EVA1C: variants seen among roughly 807,000 people sequenced by gnomAD.
EVA1C encodes the protein eva-1 homolog C, also known as protein eva-1 homolog C.
In EVA1C, 25 loss-of-function variants were observed where a neutral mutation model predicts 45.4. That is an observed-to-expected ratio of 0.55 (90% CI 0.40 to 0.77). The LOEUF (loss-of-function observed/expected upper bound fraction) is 0.77. EVA1C is among the 30% of genes least tolerant of loss of function. The pLI, the probability that EVA1C is intolerant of heterozygous loss-of-function variation, is 0.00. For synonymous variants in EVA1C, 190 were observed against 221.2 expected (o/e 0.86, Z 1.25); for missense variants, 479 against 554.8 (o/e 0.86, Z 1.37).
At chr21:32,478,840 T>C (rs1395222782) in intron 4 of EVA1C, among the ~76,000 whole-genome samples, 2 of 152,178 alleles carry the variant, frequency 1.3e-5, no homozygotes, top group Non-Finnish European at 2.9e-5. Context: ...ATTTCCTTAA[T>C]AAGAAGATGA....
chr21:32,466,542 C>T (rs1408856903), intron 3 of EVA1C, among the ~76,000 whole-genome samples: 1 of 151,166 alleles, frequency 6.6e-6, no homozygotes, highest in African/African-American at 2.4e-5. Context: ...ATAATGCCAA[C>T]TTTGTACGAC....
At chr21:32,467,380 G>A (rs944394345) in intron 3 of EVA1C, among the ~76,000 whole-genome samples, 3 of 152,190 alleles carry the variant, frequency 2.0e-5, no homozygotes, top group African/African-American at 7.2e-5. Flanking sequence ...GTGAGTGAGA[G>A]AAACTTCCTT....
intron 7 of EVA1C, 62 bp downstream of exon 7, chr21:32,504,077 A>T: frequency 8.4e-7 from 1 of 1,197,008 alleles, no homozygotes; most frequent in South Asian, 1.3e-5. Context: ...TTGTTAATAA[A>T]TGTGCTGTTC....
At chr21:32,417,786 T>C (rs73359984) in intron 1 of EVA1C, among the ~76,000 whole-genome samples, 67 of 152,290 alleles carry the variant, frequency 4.4e-4, no homozygotes, top group African/African-American at 1.4e-3. Context: ...GTCTCAGTCC[T>C]GGCAGCACAA....
At position 32,412,915 on chromosome 21, in the gene EVA1C, T is replaced by C. The variant is rs1208799602; in HGVS notation, c.62T>C (p.Leu21Pro). 9 of 1,522,898 alleles carry C rather than the reference T, an allele frequency of 5.9e-6. No individual in the cohort carries two copies. Among genetic ancestry groups the C allele is most frequent in the Non-Finnish European group, 7.9e-6 (9 of 1,137,620 alleles). 94.3% of individuals were successfully genotyped at this position (1,522,898 alleles called of 1,614,324 possible). Reference protein sequence around the residue: ...PTPQPVQHPGLRRQVEPPGQL... With the variant: ...PTPQPVQHPGPRRQVEPPGQL... ...CCCCAGCCCGTGCAGCATCCCGGCCTCCGCCGGCAGGTAGAGCCGCCGGGG... is the reference window on the plus strand; with the variant it reads ...CCCCAGCCCGTGCAGCATCCCGGCCCCCGCCGGCAGGTAGAGCCGCCGGGG... The change falls in exon 1 of 8, where the codon CTC becomes CCC. Residue 21 changes from leucine (L) to proline (P), a missense_variant. By Grantham distance (98) the Leu-to-Pro change is moderately conservative. Coordinates refer to ENST00000300255, the MANE Select transcript of EVA1C (RefSeq NM_058187.5).
intron 1 of EVA1C, among the ~76,000 whole-genome samples, chr21:32,450,542 GT>G (rs2035544212): frequency 6.6e-6 from 1 of 152,126 alleles, no homozygotes; most frequent in African/African-American, 2.4e-5. Context: ...GGACAAGAAG[GT>G]TTTCATGAGG....
intron 1 of EVA1C, among the ~76,000 whole-genome samples, chr21:32,447,169 G>A (rs1411164474): frequency 2.6e-5 from 4 of 152,196 alleles, no homozygotes; most frequent in African/African-American, 9.6e-5. Flanking sequence ...GGAGGCTGAG[G>A]TGGGTGGATC....
At chr21:32,423,792 G>A (rs1199824855) in intron 1 of EVA1C, among the ~76,000 whole-genome samples, 1 of 152,174 alleles carries the variant, frequency 6.6e-6, no homozygotes, top group Non-Finnish European at 1.5e-5. Context: ...TGAGAGCCAA[G>A]TTTTCCACAC....
intron 3 of EVA1C, among the ~76,000 whole-genome samples, chr21:32,462,344 T>G (rs2036028859): frequency 6.6e-6 from 1 of 152,006 alleles, no homozygotes; most frequent in Admixed American, 6.5e-5. Context: ...CAGTGAGCTA[T>G]GAGCTCACCA....
At chr21:32,460,193 T>A (rs1055802934) in intron 3 of EVA1C, among the ~76,000 whole-genome samples, 5 of 152,076 alleles carry the variant, frequency 3.3e-5, no homozygotes, top group African/African-American at 1.2e-4. Flanking sequence ...GTGGGTGGTG[T>A]CCACACCCCC....
chr21:32,501,983 CTTTTCTTTCTTTCTT>C (rs1271088247), intron 6 of EVA1C, among the ~76,000 whole-genome samples: 14 of 139,006 alleles, frequency 1.0e-4, no homozygotes, highest in Non-Finnish European at 6.2e-5. Context: ...CTCTCTCGCT[CTTTTCTTTCTTTCTT>C]TCTTTCTTTC....
intron 1 of EVA1C, among the ~76,000 whole-genome samples, chr21:32,419,356 A>G (rs145129845): frequency 3.0e-4 from 45 of 152,274 alleles, no homozygotes; most frequent in Non-Finnish European, 5.3e-4. Context: ...TGCTCTCCCC[A>G]GCTCCACAGC....
intron 4 of EVA1C, 139 bp from the exon 5 acceptor site, chr21:32,494,888 T>A: frequency 1.1e-6 from 1 of 916,816 alleles, no homozygotes; most frequent in Non-Finnish European, 1.6e-6. Flanking sequence ...GGTGCTTTAA[T>A]GAGACAGAAA....
intron 1 of EVA1C, among the ~76,000 whole-genome samples, chr21:32,424,656 GA>G (rs540343989): frequency 5.3e-5 from 8 of 152,202 alleles, no homozygotes; most frequent in Non-Finnish European, 1.2e-4. Flanking sequence ...GACTCAGAAT[GA>G]AAAGAGGTCT....
intron 4 of EVA1C, among the ~76,000 whole-genome samples, chr21:32,481,179 G>T (rs1405817703): frequency 6.6e-6 from 1 of 152,100 alleles, no homozygotes; most frequent in East Asian, 1.9e-4. Flanking sequence ...AGGAAAAAAC[G>T]ATACTACTTA....
At chr21:32,465,794 A>C (rs894749341) in intron 3 of EVA1C, among the ~76,000 whole-genome samples, 18 of 152,144 alleles carry the variant, frequency 1.2e-4, no homozygotes, top group African/African-American at 4.3e-4. Context: ...CACCACACCC[A>C]GCCGTGTTAG....
At chr21:32,445,376 A>G (rs1336522103) in intron 1 of EVA1C, among the ~76,000 whole-genome samples, 2 of 152,152 alleles carry the variant, frequency 1.3e-5, no homozygotes, top group African/African-American at 4.8e-5. Context: ...CAACAGAAAT[A>G]TTTTCAAGTA....
At chr21:32,435,238 G>A (rs2034896595) in intron 1 of EVA1C, among the ~76,000 whole-genome samples, 1 of 151,802 alleles carries the variant, frequency 6.6e-6, no homozygotes, top group Non-Finnish European at 1.5e-5. Context: ...TTGTGGGGGG[G>A]AAATGGGGTC....
chr21:32,419,615 T>C (rs1481562925), intron 1 of EVA1C, among the ~76,000 whole-genome samples: 1 of 152,148 alleles, frequency 6.6e-6, no homozygotes, highest in East Asian at 1.9e-4. Flanking sequence ...CTCGGGAGAC[T>C]GAGGCAGGAG....
Sources: allele counts gnomAD v4.1 joint callset (sites outside exome capture counted in the v4.1 genomes callset), GRCh38; gene constraint gnomAD v4.1.1; transcripts MANE v1.5; gene names NCBI Gene and HGNC (gene_info 2026-07-23, HGNC 2026-07-21).